SEC61A2: variants seen among roughly 807,000 people sequenced by gnomAD.
SEC61A2 encodes the protein protein transport protein Sec61 subunit alpha isoform 2.
In SEC61A2, 28 loss-of-function variants were observed where a neutral mutation model predicts 59.9. The observed-to-expected ratio is 0.47, with a 90% confidence interval of 0.35 to 0.64. SEC61A2 has a LOEUF of 0.64. Ranked by LOEUF, SEC61A2 falls within the 30% of genes least tolerant of loss-of-function variation. SEC61A2 has a pLI of 0.01. For missense variants in SEC61A2, 340 were observed against 585.9 expected (o/e 0.58, Z 4.33); for synonymous variants, 202 against 214.4 (o/e 0.94, Z 0.50).
chr10:12,156,376 T>G lies in SEC61A2; in HGVS notation c.616+445T>G, dbSNP rs944005685. 2.0e-5 allele frequency among the ~76,000 whole-genome samples: 3 copies of G among 152,210 alleles called. No homozygotes were observed. The highest frequency in any genetic ancestry group is 4.4e-5 in the Non-Finnish European group (3 of 68,030). ...GTAATAGCACCAAAGTTTTGAAATA[T>G]TTCATTCTCTCTTTCCCCTTCCTCA... is the stretch of plus-strand genomic sequence containing the variant. On this transcript the variant is annotated intron_variant, in intron 7 of 11. Transcript: ENST00000298428. This position sits in a 1 kb window ranked among gnomAD's most constrained non-coding sequence, Gnocchi z 5.2.
intron 1 of SEC61A2, among the ~76,000 whole-genome samples, chr10:12,132,137 C>T (rs1482795761): frequency 6.7e-6 from 1 of 149,340 alleles, no homozygotes; most frequent in African/African-American, 2.5e-5. Flanking sequence ...CCCGGCTCTA[C>T]GAAAAATATA....
chr10:12,159,509 C>A (rs1030848706), intron 9 of SEC61A2, among the ~76,000 whole-genome samples: 1 of 152,014 alleles, frequency 6.6e-6, no homozygotes. Context: ...GGCAACATAG[C>A]GAGACCCCAT....
chr10:12,143,248 A>G lies in SEC61A2; in HGVS notation c.220+53A>G. 7.8e-7 allele frequency: 1 copy of G among 1,280,516 alleles called. No homozygotes were observed. Among genetic ancestry groups the G allele is most frequent in the Non-Finnish European group, 1.1e-6 (1 of 876,218 alleles). The allele number at this position is 1,280,516 out of a possible 1,614,324, so 79.3% of individuals were successfully genotyped here. A position where few individuals can be genotyped will look rare whatever the true frequency, so the allele number is the denominator to read the frequency against. Reference sequence around the variant, plus strand: ...TCCTACTCACAGCAAACAGATGGAAACATGTGGATTAGCAATGAGTTTTCA... The same window carrying G: ...TCCTACTCACAGCAAACAGATGGAAGCATGTGGATTAGCAATGAGTTTTCA... On this transcript the variant is annotated intron_variant, in intron 4 of 11. Transcript: ENST00000298428. This position sits in a 1 kb window ranked among gnomAD's most constrained non-coding sequence, Gnocchi z 4.8.
chr10:12,134,873 T>C (rs1031266003), intron 2 of SEC61A2, among the ~76,000 whole-genome samples: 1 of 150,342 alleles, frequency 6.7e-6, no homozygotes, highest in African/African-American at 2.5e-5. Context: ...GAGCCGAGAC[T>C]GCGCCACTGC....
Position 12,145,394 on chromosome 10 carries a change from A to G in SEC61A2, c.220+2199A>G, listed in dbSNP as rs940134056. 3.3e-5 allele frequency among the ~76,000 whole-genome samples: 5 copies of G among 152,232 alleles called. No homozygotes were observed. The highest frequency in any genetic ancestry group is 1.2e-4 in the African/African-American group (5 of 41,466). On this transcript the variant is annotated intron_variant, in intron 4 of 11. Transcript: ENST00000298428. This position sits in a 1 kb window ranked among gnomAD's most constrained non-coding sequence, Gnocchi z 4.4. ...TGAAATTTTTGATAGAGAAAGCTAA[A>G]TTATCTTCCAAAACAGTTGTTTGAT...
At chr10:12,135,045 T>A (rs967056661) in intron 2 of SEC61A2, among the ~76,000 whole-genome samples, 1 of 152,046 alleles carries the variant, frequency 6.6e-6, no homozygotes, top group African/African-American at 2.4e-5. Context: ...TGCTTTAAAT[T>A]TGCTGTTTCG....
At chr10:12,139,656 C>T (rs535294150) in intron 3 of SEC61A2, among the ~76,000 whole-genome samples, 5 of 151,950 alleles carry the variant, frequency 3.3e-5, no homozygotes, top group Non-Finnish European at 5.9e-5. Flanking sequence ...TGGTGGCGGG[C>T]GCCTGTAGTC....
intron 4 of SEC61A2, among the ~76,000 whole-genome samples, chr10:12,144,326 C>G (rs906625812): frequency 6.6e-6 from 1 of 152,158 alleles, no homozygotes; most frequent in Non-Finnish European, 1.5e-5. Context: ...CACATACATT[C>G]ACTTACATAT....
At chr10:12,132,498 T>C (rs932180487) in intron 1 of SEC61A2, among the ~76,000 whole-genome samples, 8 of 146,082 alleles carry the variant, frequency 5.5e-5, no homozygotes, top group African/African-American at 2.0e-4. Flanking sequence ...CCTGTAATCC[T>C]AGCTACTCGG....
chr10:12,133,653 ACC>A, intron 2 of SEC61A2, among the ~76,000 whole-genome samples: 1 of 152,200 alleles, frequency 6.6e-6, no homozygotes, highest in African/African-American at 2.4e-5. Context: ...TAATGATGTC[ACC>A]TACTGGACTA....
At position 12,161,590 on chromosome 10, in the gene SEC61A2, A is replaced by C. The variant is rs142084816; in HGVS notation, c.1167+469A>C. On this transcript the variant is annotated intron_variant, in intron 10 of 11. Transcript: ENST00000298428. The surrounding 1 kb of genome is among the most constrained non-coding windows in gnomAD (Gnocchi z 5.4). ...ACCCTTTCTCTACTAAAAATACAAAAATTAGCTGGGCGTGGCAGCGCATGC... is the reference window on the plus strand; with the variant it reads ...ACCCTTTCTCTACTAAAAATACAAACATTAGCTGGGCGTGGCAGCGCATGC... Among the ~76,000 whole-genome samples, 7,598 of 152,018 alleles carry C rather than the reference A, an allele frequency of 0.05. 259 individuals carry two copies. The highest frequency in any genetic ancestry group is 0.078 in the Non-Finnish European group (5,272 of 67,990).
rs1335251213 is a variant in SEC61A2, at chr10:12,161,935, T to G, written c.1168-278T>G. On this transcript the variant is annotated intron_variant, in intron 10 of 11. Coordinates refer to ENST00000298428, the MANE Select transcript of SEC61A2 (RefSeq NM_018144.4). This position sits in a 1 kb window ranked among gnomAD's most constrained non-coding sequence, Gnocchi z 5.4. ...AATTGGTTCCCAAAAGGTAAAAAAT[T>G]CTTAGATATTACAGTGGTTTGCAAC... 6.6e-6 allele frequency among the ~76,000 whole-genome samples: 1 copy of G among 152,096 alleles called. No homozygotes were observed. Among genetic ancestry groups the G allele is most frequent in the Non-Finnish European group, 1.5e-5 (1 of 68,026 alleles).
chr10:12,163,974 T>TA (rs1383904924), intron 11 of SEC61A2, among the ~76,000 whole-genome samples: 2 of 152,242 alleles, frequency 1.3e-5, no homozygotes, highest in Non-Finnish European at 2.9e-5. Context: ...TTAAAAATCT[T>TA]AAACATTTTA....
At chr10:12,140,995 G>C (rs1422855804) in intron 3 of SEC61A2, among the ~76,000 whole-genome samples, 2 of 150,878 alleles carry the variant, frequency 1.3e-5, no homozygotes, top group African/African-American at 4.9e-5. Context: ...TGCCTCCCAG[G>C]TTCAAGCGAT....
At chr10:12,132,613 CAAAA>C (rs58070623) in intron 1 of SEC61A2, among the ~76,000 whole-genome samples, 11 of 135,226 alleles carry the variant, frequency 8.1e-5, no homozygotes, top group Non-Finnish European at 9.5e-5. Flanking sequence ...GACTCTGTCT[CAAAA>C]AAAAAAAAAA....
intron 6 of SEC61A2, among the ~76,000 whole-genome samples, chr10:12,150,776 CT>C (rs764582648): frequency 1.8e-3 from 248 of 140,240 alleles, no homozygotes; most frequent in Middle Eastern, 3.6e-3. Context: ...TCCTAAGTAT[CT>C]TTTTTTTTTT....
At position 12,158,687 on chromosome 10, in the gene SEC61A2, G is replaced by A. The variant is rs1219241249; in HGVS notation, c.975+582G>A. ...GGAGGTTGCTGTGAGCTGAGATCACGCCACTGCACTCCAGCCTGGGCGACA... is the reference window on the plus strand; with the variant it reads ...GGAGGTTGCTGTGAGCTGAGATCACACCACTGCACTCCAGCCTGGGCGACA... On this transcript the variant is annotated intron_variant, in intron 9 of 11. Coordinates refer to ENST00000298428, the MANE Select transcript of SEC61A2 (RefSeq NM_018144.4). The surrounding 1 kb of genome is among the most constrained non-coding windows in gnomAD (Gnocchi z 5.7). Among the ~76,000 whole-genome samples the A allele has an allele frequency of 1.3e-5, 2 of 152,066 alleles. No homozygotes were observed. Among genetic ancestry groups the A allele is most frequent in the Non-Finnish European group, 2.9e-5 (2 of 68,004 alleles).
At chr10:12,140,591 G>A (rs1005794450) in intron 3 of SEC61A2, among the ~76,000 whole-genome samples, 3 of 152,096 alleles carry the variant, frequency 2.0e-5, no homozygotes, top group Non-Finnish European at 1.5e-5. Context: ...CGGAGTGGCC[G>A]CTCTCCACTT....
In SEC61A2 at chr10:12,144,004, G is replaced by A. The variant is rs187646065; in HGVS notation, c.220+809G>A. ...GTGCCACAATGCCTGGCTAATTTTT[G>A]TAGTTTTGTAGAGGTGAGGTTTTGC... On this transcript the variant is annotated intron_variant, in intron 4 of 11. Transcript: ENST00000298428. Among the ~76,000 whole-genome samples the A allele has an allele frequency of 5.9e-5, 9 of 152,204 alleles. No individual in the cohort carries two copies. In the East Asian group the frequency reaches 1.2e-3, roughly 20 times the overall value.
Sources: gnomAD v4.1 joint callset for allele counts (sites outside exome capture counted in the v4.1 genomes callset) on GRCh38, gnomAD v4.1.1 for gene constraint, Gnocchi (gnomAD v3.1) non-coding constraint, MANE v1.5 for transcripts, NCBI Gene and HGNC (gene_info 2026-07-23, HGNC 2026-07-21) for gene names.